Variants in PI4K2B observed in about 807,000 individuals in gnomAD.
PI4K2B encodes phosphatidylinositol 4-kinase type 2-beta.
A neutral mutation model predicts 56.6 loss-of-function variants in PI4K2B; 46 were observed. The observed-to-expected ratio is 0.81, with a 90% CI of 0.64 to 1.04. The LOEUF (loss-of-function observed/expected upper bound fraction) is 1.04. Ranked by LOEUF, PI4K2B falls within the 50% of genes least tolerant of loss-of-function variation. PI4K2B has a pLI of 0.00. For synonymous variants in PI4K2B, 211 were observed against 223.8 expected, an observed-to-expected ratio of 0.94 and a Z score of 0.51; for missense variants, 556 against 607.7, an observed-to-expected ratio of 0.91 and a Z score of 0.89.
intron 1 of PI4K2B, 108 bp downstream of exon 1, chr4:25,234,539 C>T (rs1448434274): frequency 2.2e-5 from 17 of 786,816 alleles, no homozygotes; most frequent in Non-Finnish European, 2.4e-5. Flanking sequence ...CGGGCTTTCC[C>T]CGCTCGCTGG....
chr4:25,242,563 A>T (rs1345226871), intron 1 of PI4K2B, among the ~76,000 whole-genome samples: 1 of 152,236 alleles, frequency 6.6e-6, no homozygotes, highest in Non-Finnish European at 1.5e-5. Context: ...ATATAGAGGA[A>T]TTACTGCCTC....
At chr4:25,241,066 G>T (rs983886314) in intron 1 of PI4K2B, among the ~76,000 whole-genome samples, 4 of 152,182 alleles carry the variant, frequency 2.6e-5, no homozygotes, top group African/African-American at 4.8e-5. Flanking sequence ...TTTTTGCACT[G>T]CATGCAATAA....
intron 1 of PI4K2B, among the ~76,000 whole-genome samples, chr4:25,243,402 G>A (rs1400106794): frequency 2.6e-5 from 4 of 152,282 alleles, no homozygotes; most frequent in Admixed American, 6.5e-5. Context: ...AAGCCCTACC[G>A]GGTGATTGGC....
chr4:25,275,949 G>GTCAA (rs746900519), intron 9 of PI4K2B, among the ~76,000 whole-genome samples: 72 of 151,968 alleles, frequency 4.7e-4, no homozygotes, highest in Non-Finnish European at 9.1e-4. Flanking sequence ...CAATCAATCA[G>GTCAA]TCAATCAATC....
chr4:25,277,093 G>T lies in PI4K2B; in HGVS notation c.1352G>T (p.Arg451Leu). 3 of 1,613,758 alleles carry T rather than the reference G, an allele frequency of 1.9e-6. No individual in the cohort carries two copies. Among genetic ancestry groups the T allele is most frequent in the Non-Finnish European group, 2.5e-6 (3 of 1,179,718 alleles). Reference sequence around the variant, plus strand: ...CAGATACCTTGTGTGATTGTGGAACGCAGTCAAGGTGGAAGTCAGGGTCGG... The same window carrying T: ...CAGATACCTTGTGTGATTGTGGAACTCAGTCAAGGTGGAAGTCAGGGTCGG... ...LVQIPCVIVERSQGGSQGRIV... is the reference protein window; with the variant it reads ...LVQIPCVIVELSQGGSQGRIV... The change falls in exon 10 of 10, where the codon CGC (arginine) becomes CTC (leucine). Residue 451 changes from arginine to leucine, a missense_variant. Coordinates refer to ENST00000264864, the MANE Select transcript of PI4K2B (RefSeq NM_018323.4).
intron 6 of PI4K2B, 42 bp downstream of exon 6, chr4:25,260,633 TATATATATACAC>T (rs765172654): frequency 0.027 from 1,638 of 60,612 alleles, 6 homozygotes; most frequent in East Asian, 0.051. Flanking sequence ...TATATATATA[TATATATATACAC>T]ACACACACAC....
At chr4:25,238,046 T>A (rs574882130) in intron 1 of PI4K2B, among the ~76,000 whole-genome samples, 2 of 152,314 alleles carry the variant, frequency 1.3e-5, no homozygotes, top group East Asian at 3.9e-4. Context: ...TGTGAATTTG[T>A]AAGTCATTTA....
Position 25,234,054 on chromosome 4 carries a change from A to T in PI4K2B, c.-110A>T. On this transcript the variant is annotated 5_prime_UTR_variant, in exon 1 of 10. Transcript: ENST00000264864. The stretch of plus-strand genomic sequence containing the variant: ...CGCCAAGCGTGCCCGTGCGCTGGTG[A>T]GGTGGCGTCCGTTCTACCCGGTCGC... 2 of 937,162 alleles carry T rather than the reference A, an allele frequency of 2.1e-6. No individual in the cohort carries two copies. The highest frequency in any genetic ancestry group is 1.4e-6 in the Non-Finnish European group (1 of 719,364). The allele number at this position is 937,162 out of a possible 1,614,324, so 58.1% of individuals were successfully genotyped here. A position where few individuals can be genotyped will look rare whatever the true frequency, so the allele number is the denominator to read the frequency against.
chr4:25,254,876 A>C (rs1716197770), intron 2 of PI4K2B, among the ~76,000 whole-genome samples, 189 bp from the exon 3 acceptor site: 1 of 152,156 alleles, frequency 6.6e-6, no homozygotes, highest in African/African-American at 2.4e-5. Flanking sequence ...TTGAATAAGA[A>C]TGAATATGAA....
chr4:25,261,007 C>T (rs1378411398), intron 6 of PI4K2B, among the ~76,000 whole-genome samples: 1 of 151,588 alleles, frequency 6.6e-6, no homozygotes, highest in African/African-American at 2.4e-5. Flanking sequence ...CACACCCAGC[C>T]AGTTCTGTTT....
chr4:25,273,390 A>G (rs1342383443), intron 9 of PI4K2B, among the ~76,000 whole-genome samples: 1 of 152,224 alleles, frequency 6.6e-6, no homozygotes, highest in Non-Finnish European at 1.5e-5. Context: ...TCAGAGATTT[A>G]TATACCAGAA....
chr4:25,246,916 G>T (rs977251570), intron 1 of PI4K2B, among the ~76,000 whole-genome samples: 1 of 152,210 alleles, frequency 6.6e-6, no homozygotes, highest in Non-Finnish European at 1.5e-5. Flanking sequence ...CCAGTGTGGG[G>T]CCTGCCCAGC....
chr4:25,271,314 G>T (rs1716880353), intron 9 of PI4K2B, among the ~76,000 whole-genome samples: 1 of 152,216 alleles, frequency 6.6e-6, no homozygotes, highest in African/African-American at 2.4e-5. Context: ...TCGAAAAGGA[G>T]ATCTTATTCT....
chr4:25,278,988 A>G lies in PI4K2B; in HGVS notation c.*1801A>G, dbSNP rs1455270509. 3 of 152,588 alleles carry G rather than the reference A, an allele frequency of 2.0e-5. No individual in the cohort carries two copies. The highest frequency in any genetic ancestry group is 4.4e-5 in the Non-Finnish European group (3 of 68,038). The allele number at this position is 152,588 out of a possible 1,614,324, so 9.5% of individuals were successfully genotyped here. ...CATTGGTTGTATTTTGTAAACTTTC[A>G]TGAACTGAATTCTTATTTAAATAGT... On this transcript the variant is annotated 3_prime_UTR_variant, in exon 10 of 10. Transcript: ENST00000264864.
At chr4:25,253,856 C>T (rs1054161959) in intron 2 of PI4K2B, among the ~76,000 whole-genome samples, 17 of 152,300 alleles carry the variant, frequency 1.1e-4, no homozygotes, top group African/African-American at 3.1e-4. Flanking sequence ...ACTGCAACCT[C>T]CACCTCCCGG....
intron 9 of PI4K2B, among the ~76,000 whole-genome samples, chr4:25,269,723 G>GT (rs1043644343): frequency 1.3e-4 from 19 of 149,114 alleles, no homozygotes; most frequent in Non-Finnish European, 1.8e-4. Flanking sequence ...TTTTGTTTTT[G>GT]TTTTTTTTGA....
intron 1 of PI4K2B, among the ~76,000 whole-genome samples, chr4:25,236,428 G>A (rs1212218021): frequency 6.6e-6 from 1 of 151,392 alleles, no homozygotes; most frequent in Non-Finnish European, 1.5e-5. Context: ...GCGGGCGCCT[G>A]CAATTCCAGC....
chr4:25,237,179 A>C (rs1312844290), intron 1 of PI4K2B, among the ~76,000 whole-genome samples: 1 of 152,252 alleles, frequency 6.6e-6, no homozygotes, highest in Admixed American at 6.5e-5. Flanking sequence ...ATCAGTGTCA[A>C]AGTGGAAGGA....
chr4:25,277,087 T>G lies in PI4K2B; in HGVS notation c.1346T>G (p.Val449Gly). Residue 449 changes from valine (V) to glycine (G), a missense_variant, in exon 10 of 10, where the codon GTG becomes GGG. Transcript: ENST00000264864. ...FQLVQIPCVI[V>G]ERSQGGSQGR... Reference sequence around the variant, plus strand: ...CTAGTACAGATACCTTGTGTGATTGTGGAACGCAGTCAAGGTGGAAGTCAG... The same window carrying G: ...CTAGTACAGATACCTTGTGTGATTGGGGAACGCAGTCAAGGTGGAAGTCAG... The G allele has an allele frequency of 6.2e-7, 1 of 1,613,904 alleles. No homozygotes were observed. Among genetic ancestry groups the G allele is most frequent in the Non-Finnish European group, 8.5e-7 (1 of 1,179,806 alleles).
Sources: gnomAD v4.1 joint callset for allele counts (sites outside exome capture counted in the v4.1 genomes callset) on GRCh38, gnomAD v4.1.1 for gene constraint, MANE v1.5 for transcripts, NCBI Gene and HGNC (gene_info 2026-07-23, HGNC 2026-07-21) for gene names.